The following HDAC9 variants were observed in gnomAD, a reference collection of about 807,000 sequenced individuals.
HDAC9 encodes the protein MEF-2 interacting transcription repressor (MITR) protein.
HDAC9 carries 41 observed loss-of-function variants against 139.4 expected under a neutral mutation model. The ratio of observed to expected loss-of-function variants is 0.29; its 90% CI spans 0.23 to 0.38. The LOEUF is 0.38. HDAC9 is among the 10% of genes least tolerant of loss of function. The pLI, the probability that HDAC9 is intolerant of heterozygous loss-of-function variation, is 1.00. For missense variants in HDAC9, 1,147 were observed against 1,297.0 expected, an observed-to-expected ratio of 0.88 and a Z score of 1.78; for synonymous variants, 517 against 476.2, an observed-to-expected ratio of 1.09 and a Z score of -1.12.
intron 2 of HDAC9, among the ~76,000 whole-genome samples, chr7:18,240,818 T>C (rs1411225467): frequency 6.6e-6 from 1 of 152,242 alleles, no homozygotes; most frequent in South Asian, 2.1e-4. Context: ...TCTTGCTGGT[T>C]CTTGCATACA....
intron 1 of HDAC9, among the ~76,000 whole-genome samples, chr7:18,150,424 G>A (rs989269927): frequency 2.0e-5 from 3 of 152,094 alleles, no homozygotes; most frequent in Non-Finnish European, 2.9e-5. Flanking sequence ...TTCTAGAAGC[G>A]CTTGTATTGA....
intron 2 of HDAC9, among the ~76,000 whole-genome samples, chr7:18,283,354 A>G (rs548884864): frequency 2.6e-4 from 40 of 152,270 alleles, no homozygotes; most frequent in Non-Finnish European, 1.2e-4. Flanking sequence ...CCATAATCCA[A>G]TCACCTCTCA....
chr7:18,218,071 G>T (rs1792438415), intron 2 of HDAC9, among the ~76,000 whole-genome samples: 1 of 152,066 alleles, frequency 6.6e-6, no homozygotes, highest in Admixed American at 6.6e-5. Context: ...TTGCCATGTG[G>T]GCCACTTCTT....
intron 16 of HDAC9, among the ~76,000 whole-genome samples, chr7:18,775,106 A>G (rs1170198527): frequency 6.6e-6 from 1 of 152,160 alleles, no homozygotes; most frequent in Non-Finnish European, 1.5e-5. Flanking sequence ...GAAGTCACAC[A>G]CGATATTTAT....
intron 1 of HDAC9, among the ~76,000 whole-genome samples, chr7:18,391,971 C>T (rs994123944): frequency 1.3e-5 from 2 of 152,190 alleles, no homozygotes; most frequent in African/African-American, 2.4e-5. Context: ...CACTTTCCCA[C>T]ACTTTACTTT....
At chr7:18,880,727 G>A (rs1799671966) in intron 22 of HDAC9, among the ~76,000 whole-genome samples, 2 of 151,122 alleles carry the variant, frequency 1.3e-5, no homozygotes, top group Non-Finnish European at 2.9e-5. Flanking sequence ...GAAATAATCT[G>A]TACAATAAAA....
intron 2 of HDAC9, among the ~76,000 whole-genome samples, chr7:18,515,517 G>A (rs1802904324): frequency 1.3e-5 from 2 of 152,156 alleles, no homozygotes; most frequent in South Asian, 4.1e-4. Flanking sequence ...TAGATACATT[G>A]GACCCTTCAG....
At chr7:18,422,692 G>A (rs1789735487) in intron 1 of HDAC9, among the ~76,000 whole-genome samples, 1 of 151,020 alleles carries the variant, frequency 6.6e-6, no homozygotes. Flanking sequence ...GAGAGAAAAA[G>A]TAGCAGCAGG....
chr7:18,658,839 A>G (rs1046363071), intron 11 of HDAC9, among the ~76,000 whole-genome samples: 14 of 151,634 alleles, frequency 9.2e-5, no homozygotes, highest in Admixed American at 3.9e-4. Flanking sequence ...CTTGGAGCTT[A>G]AGGGAAATGT....
chr7:18,631,318 G>A (rs1782260588), intron 7 of HDAC9, among the ~76,000 whole-genome samples: 1 of 152,030 alleles, frequency 6.6e-6, no homozygotes, highest in East Asian at 1.9e-4. Flanking sequence ...GACATTTCTG[G>A]TGAGTGGACT....
At chr7:18,115,589 T>A (rs1276949333) in intron 1 of HDAC9, among the ~76,000 whole-genome samples, 1 of 152,218 alleles carries the variant, frequency 6.6e-6, no homozygotes, top group African/African-American at 2.4e-5. Flanking sequence ...AGGGAGTTAC[T>A]ATTATTTTCT....
chr7:18,391,139 C>G (rs1041245149), intron 1 of HDAC9, among the ~76,000 whole-genome samples: 2 of 152,046 alleles, frequency 1.3e-5, no homozygotes, highest in Non-Finnish European at 2.9e-5. Flanking sequence ...AATCCTAGCA[C>G]TTTGGGAGGC....
intron 22 of HDAC9, among the ~76,000 whole-genome samples, chr7:18,879,398 C>G (rs977067583): frequency 6.6e-6 from 1 of 152,062 alleles, no homozygotes; most frequent in African/African-American, 2.4e-5. Flanking sequence ...ATCATGTTAC[C>G]CAACTTCAAA....
intron 15 of HDAC9, among the ~76,000 whole-genome samples, chr7:18,766,014 AAAAC>A (rs1789802112): frequency 6.6e-6 from 1 of 152,198 alleles, no homozygotes; most frequent in Non-Finnish European, 1.5e-5. Context: ...TATTGTTTTC[AAAAC>A]AAACTGTCTT....
intron 17 of HDAC9, among the ~76,000 whole-genome samples, chr7:18,827,483 G>A (rs1428373812): frequency 6.6e-6 from 1 of 152,010 alleles, no homozygotes; most frequent in Non-Finnish European, 1.5e-5. Flanking sequence ...TGAGCATTTA[G>A]CGTACCCCCC....
chr7:18,513,685 GT>G (rs1802285475), intron 2 of HDAC9, among the ~76,000 whole-genome samples: 1 of 152,204 alleles, frequency 6.6e-6, no homozygotes, highest in Non-Finnish European at 1.5e-5. Flanking sequence ...CACTGTCTGT[GT>G]GGAGATAGGT....
intron 17 of HDAC9, among the ~76,000 whole-genome samples, chr7:18,798,717 A>C (rs1042344813): frequency 1.3e-5 from 2 of 152,162 alleles, no homozygotes; most frequent in African/African-American, 4.8e-5. Flanking sequence ...TGTTGTGAAA[A>C]ATTAGTGGCG....
At chr7:18,306,825 C>T (rs982979468) in intron 1 of HDAC9, among the ~76,000 whole-genome samples, 1 of 152,102 alleles carries the variant, frequency 6.6e-6, no homozygotes. Context: ...TACTCACACT[C>T]CTTTTTGCTT....
intron 1 of HDAC9, among the ~76,000 whole-genome samples, chr7:18,421,447 A>C (rs550716034): frequency 6.6e-6 from 1 of 151,936 alleles, no homozygotes; most frequent in African/African-American, 2.4e-5. Context: ...GAAAGAGAAA[A>C]GGGAGAAAGA....
Sources: allele counts gnomAD v4.1 joint callset (sites outside exome capture counted in the v4.1 genomes callset), GRCh38; gene constraint gnomAD v4.1.1; transcripts MANE v1.5; gene names NCBI Gene and HGNC (gene_info 2026-07-23, HGNC 2026-07-21).